Variants in CADPS2 observed in about 807,000 individuals in gnomAD.
CADPS2 encodes the protein calcium dependent secretion activator 2.
A neutral mutation model predicts 172.5 loss-of-function variants in CADPS2; 93 were observed. The observed-to-expected ratio is 0.54, with a 90% CI of 0.46 to 0.64. CADPS2 has a LOEUF of 0.64. Among genes scored for constraint, CADPS2 ranks in the 30% least tolerant of loss-of-function variants. CADPS2 has a pLI of 0.00. For synonymous variants in CADPS2, 546 were observed against 555.2 expected (o/e 0.98, Z 0.23); for missense variants, 1,420 against 1,565.9 (o/e 0.91, Z 1.57).
At chr7:122,381,310 T>C (rs2042974711) in intron 24 of CADPS2, among the ~76,000 whole-genome samples, 1 of 152,092 alleles carries the variant, frequency 6.6e-6, no homozygotes, top group Non-Finnish European at 1.5e-5. Flanking sequence ...TACACCTCTT[T>C]AGGGGTAGAA....
In CADPS2 at chr7:122,885,983, C is replaced by A; in HGVS notation, c.339+16G>T. On this transcript the variant is annotated intron_variant, in intron 1 of 29. Transcript: ENST00000449022. Reference sequence around the variant, plus strand: ...GGGAGAAGTGGTGGTAGGAGGCGCCCGGTCCCGCAACTCACCTTCTGCTGC... The same window carrying A: ...GGGAGAAGTGGTGGTAGGAGGCGCCAGGTCCCGCAACTCACCTTCTGCTGC... 4 of 1,594,786 alleles carry A rather than the reference C, an allele frequency of 2.5e-6. No homozygotes were observed. Among genetic ancestry groups the A allele is most frequent in the Non-Finnish European group, 3.4e-6 (4 of 1,171,138 alleles).
chr7:122,632,061 T>C (rs2076628220), intron 3 of CADPS2, among the ~76,000 whole-genome samples: 1 of 152,184 alleles, frequency 6.6e-6, no homozygotes, highest in Non-Finnish European at 1.5e-5. Flanking sequence ...ATGGTATATA[T>C]GTGTGTATGT....
intron 24 of CADPS2, among the ~76,000 whole-genome samples, chr7:122,379,918 C>A (rs551535989): frequency 6.6e-6 from 1 of 152,230 alleles, no homozygotes; most frequent in East Asian, 1.9e-4. Flanking sequence ...TCTAAAAGGA[C>A]TTTTTGTCAG....
intron 1 of CADPS2, among the ~76,000 whole-genome samples, chr7:122,800,789 G>A (rs1160457215): frequency 2.6e-5 from 4 of 152,160 alleles, no homozygotes; most frequent in East Asian, 1.9e-4. Flanking sequence ...TCAGGAGTTC[G>A]CAACCAGCCT....
At chr7:122,715,224 C>G (rs1254027162) in intron 2 of CADPS2, among the ~76,000 whole-genome samples, 1 of 152,090 alleles carries the variant, frequency 6.6e-6, no homozygotes, top group Admixed American at 6.6e-5. Context: ...AGTTTTCATA[C>G]CGATATACAG....
chr7:122,759,744 A>G (rs916421796), intron 1 of CADPS2, among the ~76,000 whole-genome samples: 1 of 152,156 alleles, frequency 6.6e-6, no homozygotes, highest in Non-Finnish European at 1.5e-5. Flanking sequence ...TATTAATCCA[A>G]TTGTCACCAT....
intron 8 of CADPS2, among the ~76,000 whole-genome samples, chr7:122,525,114 T>A (rs975586509): frequency 3.3e-5 from 5 of 151,038 alleles, no homozygotes; most frequent in African/African-American, 4.9e-5. Context: ...GACCACAGCA[T>A]GGACAACACA....
At chr7:122,597,591 C>A (rs1369983611) in intron 6 of CADPS2, among the ~76,000 whole-genome samples, 1 of 152,094 alleles carries the variant, frequency 6.6e-6, no homozygotes, top group Non-Finnish European at 1.5e-5. Flanking sequence ...ATAGTTTTGT[C>A]TCTGAAATGA....
chr7:122,813,995 G>A (rs1800692527), intron 1 of CADPS2, among the ~76,000 whole-genome samples: 1 of 151,858 alleles, frequency 6.6e-6, no homozygotes, highest in African/African-American at 2.4e-5. Flanking sequence ...TCGTCAATGT[G>A]TATACAAGGA....
chr7:122,673,974 C>T (rs116620769), intron 2 of CADPS2, among the ~76,000 whole-genome samples: 1 of 151,276 alleles, frequency 6.6e-6, no homozygotes, highest in South Asian at 2.1e-4. Context: ...CAACCCTGAG[C>T]GGGGAGGCGG....
intron 1 of CADPS2, among the ~76,000 whole-genome samples, chr7:122,834,641 C>A (rs907656697): frequency 6.6e-6 from 1 of 152,230 alleles, no homozygotes; most frequent in Admixed American, 6.5e-5. Flanking sequence ...AGATTATATA[C>A]GGCGCCTGGC....
At chr7:122,623,456 G>C (rs1345831426) in intron 4 of CADPS2, among the ~76,000 whole-genome samples, 3 of 152,098 alleles carry the variant, frequency 2.0e-5, no homozygotes, top group Non-Finnish European at 4.4e-5. Context: ...TGATCATTTG[G>C]GGAAAAGTTC....
At chr7:122,803,820 CTTAAGTCCTG>C (rs1363873896) in intron 1 of CADPS2, among the ~76,000 whole-genome samples, 3 of 152,078 alleles carry the variant, frequency 2.0e-5, no homozygotes, top group Non-Finnish European at 4.4e-5. Flanking sequence ...AGTGATTACA[CTTAAGTCCTG>C]TTAAGTCCTG....
chr7:122,541,868 C>A (rs909516681), intron 8 of CADPS2, among the ~76,000 whole-genome samples: 2 of 121,978 alleles, frequency 1.6e-5, no homozygotes, highest in Non-Finnish European at 3.5e-5. Context: ...TATATATATG[C>A]ATATATATTT....
chr7:122,657,080 T>G (rs186571850), intron 3 of CADPS2, among the ~76,000 whole-genome samples: 4,206 of 152,246 alleles, frequency 0.028, 86 homozygotes, highest in South Asian at 0.094. Flanking sequence ...TTTCCCCATT[T>G]CTTGTTTTTG....
intron 20 of CADPS2, among the ~76,000 whole-genome samples, chr7:122,394,216 A>C (rs1050719957): frequency 1.3e-5 from 2 of 152,206 alleles, no homozygotes; most frequent in Admixed American, 1.3e-4. Flanking sequence ...GGTAGTATGG[A>C]ACATCCTACC....
intron 1 of CADPS2, among the ~76,000 whole-genome samples, chr7:122,778,459 G>A (rs1243504182): frequency 6.6e-6 from 1 of 152,248 alleles, no homozygotes; most frequent in African/African-American, 2.4e-5. Context: ...GGAGCCCAAT[G>A]TTAATCACCA....
chr7:122,863,723 G>C (rs1201550802), intron 1 of CADPS2, among the ~76,000 whole-genome samples: 2 of 152,154 alleles, frequency 1.3e-5, no homozygotes, highest in Non-Finnish European at 2.9e-5. Flanking sequence ...TCAATTTGTA[G>C]AATCAACAAC....
At chr7:122,661,163 T>C (rs954799592) in intron 3 of CADPS2, among the ~76,000 whole-genome samples, 10 of 152,158 alleles carry the variant, frequency 6.6e-5, no homozygotes, top group Admixed American at 5.2e-4. Flanking sequence ...ACAATCCTAC[T>C]ACAAATATAT....
Sources: allele counts gnomAD v4.1 joint callset (sites outside exome capture counted in the v4.1 genomes callset), GRCh38; gene constraint gnomAD v4.1.1; transcripts MANE v1.5; gene names NCBI Gene and HGNC (gene_info 2026-07-23, HGNC 2026-07-21).